Variants in CACNA2D3 observed in about 807,000 individuals in gnomAD.
CACNA2D3 encodes the protein calcium voltage-gated channel auxiliary subunit alpha2delta 3, also known as voltage-dependent calcium channel subunit alpha-2/delta-3.
Under a neutral mutation model 160.6 loss-of-function variants are expected in CACNA2D3, and 60 were observed. The observed-to-expected ratio is 0.37, with a 90% CI of 0.30 to 0.46. CACNA2D3 has a LOEUF of 0.46. Among genes scored for constraint, CACNA2D3 ranks in the 20% least tolerant of loss-of-function variants. CACNA2D3 has a pLI of 1.00. For synonymous variants in CACNA2D3, 558 were observed against 492.9 expected, an observed-to-expected ratio of 1.13 and a Z score of -1.75; for missense variants, 1,205 against 1,365.0, an observed-to-expected ratio of 0.88 and a Z score of 1.85.
chr3:54,349,620 C>G (rs1203337506), intron 3 of CACNA2D3, among the ~76,000 whole-genome samples: 1 of 152,162 alleles, frequency 6.6e-6, no homozygotes, highest in Non-Finnish European at 1.5e-5. Context: ...ATACAATCAC[C>G]CACAAGCTTC....
chr3:54,813,832 A>G (rs1703389491), intron 13 of CACNA2D3, among the ~76,000 whole-genome samples: 1 of 150,066 alleles, frequency 6.7e-6, no homozygotes, highest in African/African-American at 2.5e-5. Context: ...TTTCTTATTT[A>G]TAACAAATTC....
intron 27 of CACNA2D3, among the ~76,000 whole-genome samples, chr3:54,929,627 T>C (rs1477166547): frequency 1.3e-5 from 2 of 151,512 alleles, no homozygotes; most frequent in East Asian, 3.9e-4. Context: ...TTTGTCCTTC[T>C]CTCCAACATT....
At chr3:54,970,104 A>G (rs1348343014) in intron 29 of CACNA2D3, among the ~76,000 whole-genome samples, 1 of 152,144 alleles carries the variant, frequency 6.6e-6, no homozygotes, top group Non-Finnish European at 1.5e-5. Context: ...TTTGTAGGAA[A>G]TAATACAAAC....
intron 35 of CACNA2D3, among the ~76,000 whole-genome samples, chr3:55,042,080 T>A (rs935533062): frequency 6.6e-6 from 1 of 152,146 alleles, no homozygotes; most frequent in Non-Finnish European, 1.5e-5. Flanking sequence ...ATATTGCTAT[T>A]TTGGTGAATA....
intron 5 of CACNA2D3, among the ~76,000 whole-genome samples, chr3:54,546,779 T>G (rs1234046405): frequency 6.6e-6 from 1 of 152,086 alleles, no homozygotes; most frequent in Non-Finnish European, 1.5e-5. Context: ...GAATTATAAA[T>G]GGAAGGCCCA....
At chr3:54,889,416 GAA>G (rs1180794105) in intron 24 of CACNA2D3, among the ~76,000 whole-genome samples, 2 of 152,204 alleles carry the variant, frequency 1.3e-5, no homozygotes, top group African/African-American at 4.8e-5. Context: ...GGCACAGAGA[GAA>G]GAGGTCCACT....
intron 20 of CACNA2D3, 126 bp from the exon 21 acceptor site, chr3:54,880,670 G>A (rs1428835834): frequency 1.2e-6 from 1 of 857,586 alleles, no homozygotes. Flanking sequence ...AAAGTAAACA[G>A]TTGGAAAAAT....
At chr3:54,270,770 G>A (rs1702606605) in intron 2 of CACNA2D3, among the ~76,000 whole-genome samples, 1 of 152,150 alleles carries the variant, frequency 6.6e-6, no homozygotes, top group Non-Finnish European at 1.5e-5. Flanking sequence ...TAGGACTGAG[G>A]TTTCTATTTC....
At chr3:54,498,332 A>G (rs2106935422) in intron 4 of CACNA2D3, among the ~76,000 whole-genome samples, 1 of 151,960 alleles carries the variant, frequency 6.6e-6, no homozygotes, top group Non-Finnish European at 1.5e-5. Context: ...TTTCCCAAGG[A>G]GTTTGACATT....
intron 3 of CACNA2D3, among the ~76,000 whole-genome samples, chr3:54,362,708 A>G (rs933312534): frequency 4.6e-5 from 7 of 152,226 alleles, no homozygotes; most frequent in African/African-American, 7.2e-5. Flanking sequence ...GGCATGGTGC[A>G]CTCCCATTTT....
intron 2 of CACNA2D3, among the ~76,000 whole-genome samples, chr3:54,288,509 A>T (rs2107473126): frequency 6.6e-6 from 1 of 152,356 alleles, no homozygotes; most frequent in East Asian, 1.9e-4. Flanking sequence ...AGGAGCTGGT[A>T]CCATTCCTTC....
intron 2 of CACNA2D3, among the ~76,000 whole-genome samples, chr3:54,135,747 ACT>A (rs1699803010): frequency 6.6e-6 from 1 of 152,016 alleles, no homozygotes; most frequent in Non-Finnish European, 1.5e-5. Flanking sequence ...AGCCTGACCT[ACT>A]CATTTAGAAG....
chr3:54,355,661 C>CATGT (rs1427806535), intron 3 of CACNA2D3, among the ~76,000 whole-genome samples: 1 of 152,180 alleles, frequency 6.6e-6, no homozygotes, highest in Admixed American at 6.5e-5. Context: ...GTCTATTACA[C>CATGT]ATGTACCTGG....
chr3:54,684,391 A>G (rs1212275384), intron 11 of CACNA2D3, among the ~76,000 whole-genome samples: 1 of 152,192 alleles, frequency 6.6e-6, no homozygotes, highest in African/African-American at 2.4e-5. Context: ...ACTGGGGATT[A>G]GGACCTCAAC....
At chr3:54,654,144 A>C (rs912510914) in intron 11 of CACNA2D3, among the ~76,000 whole-genome samples, 3 of 151,624 alleles carry the variant, frequency 2.0e-5, no homozygotes, top group Non-Finnish European at 4.4e-5. Flanking sequence ...CATATCTACT[A>C]CTCTTAAATT....
chr3:54,913,881 G>A (rs752715695), intron 27 of CACNA2D3, among the ~76,000 whole-genome samples: 2 of 152,176 alleles, frequency 1.3e-5, no homozygotes, highest in African/African-American at 2.4e-5. Context: ...CAATACCCAC[G>A]TGTTTTGGTT....
intron 29 of CACNA2D3, among the ~76,000 whole-genome samples, chr3:54,974,945 T>C (rs1186284590): frequency 6.6e-6 from 1 of 152,222 alleles, no homozygotes; most frequent in Non-Finnish European, 1.5e-5. Context: ...TTTCCTTTTA[T>C]TGGACAGGCC....
At chr3:54,538,633 G>A (rs540992494) in intron 5 of CACNA2D3, among the ~76,000 whole-genome samples, 5 of 152,226 alleles carry the variant, frequency 3.3e-5, no homozygotes, top group Admixed American at 6.5e-5. Flanking sequence ...AGGGAAGGCC[G>A]GCTTTCTCCT....
intron 2 of CACNA2D3, among the ~76,000 whole-genome samples, chr3:54,215,504 T>C (rs1348585758): frequency 1.3e-5 from 2 of 152,226 alleles, no homozygotes; most frequent in African/African-American, 4.8e-5. Context: ...ATTAAAATTA[T>C]TACACACATG....
Sources: allele counts gnomAD v4.1 joint callset (sites outside exome capture counted in the v4.1 genomes callset), GRCh38; gene constraint gnomAD v4.1.1; transcripts MANE v1.5; gene names NCBI Gene and HGNC (gene_info 2026-07-23, HGNC 2026-07-21).